Variants in CNST observed in about 807,000 individuals in gnomAD.
CNST encodes consortin.
A neutral mutation model predicts 72.4 loss-of-function variants in CNST; 39 were observed. That is an observed-to-expected ratio of 0.54 (90% CI 0.42 to 0.70). CNST has a LOEUF of 0.70. Ranked by LOEUF, CNST falls within the 30% of genes least tolerant of loss-of-function variation. The pLI is 0.00. For missense variants in CNST, 871 were observed against 868.5 expected (o/e 1.00, Z -0.04); for synonymous variants, 332 against 320.1 (o/e 1.04, Z -0.40).
In CNST at chr1:246,621,593, G is replaced by A; in HGVS notation, c.544G>A (p.Glu182Lys). The A allele has an allele frequency of 6.2e-7, 1 of 1,614,146 alleles. No homozygotes were observed. The highest frequency in any genetic ancestry group is 8.5e-7 in the Non-Finnish European group (1 of 1,180,002). ...GTTTTCACTTATACGAGGTGAAGTTGAGCAGTTGGATTCAAGAGCACTTCC... is the reference window on the plus strand; with the variant it reads ...GTTTTCACTTATACGAGGTGAAGTTAAGCAGTTGGATTCAAGAGCACTTCC... ...SLFSLIRGEV[E>K]QLDSRALPLC... is the part of the protein sequence containing the mutation. The change falls in exon 3 of 11, where the codon GAG (glutamate) becomes AAG (lysine). Residue 182 changes from glutamate to lysine, a missense_variant. Glu to Lys is a moderately conservative substitution (Grantham distance 56, BLOSUM62 1). Coordinates refer to ENST00000366513, the MANE Select transcript of CNST (RefSeq NM_152609.3).
chr1:246,635,758 G>A lies in CNST; in HGVS notation c.818+1171G>A, dbSNP rs189340119. Among the ~76,000 whole-genome samples, 448 of 152,192 alleles carry A rather than the reference G, an allele frequency of 2.9e-3. 2 individuals carry two copies. Among genetic ancestry groups the A allele is most frequent in the African/African-American group, 0.01 (425 of 41,462 alleles). On this transcript the variant is annotated intron_variant, in intron 6 of 10. Transcript: ENST00000366513. ...CTATTTAGCATATATGTGGGAGTGC[G>A]ATAACCCCGTGAACCATCCTCAGCC...
chr1:246,625,310 T>G (rs1019589980), intron 3 of CNST, among the ~76,000 whole-genome samples: 2 of 152,076 alleles, frequency 1.3e-5, no homozygotes, highest in African/African-American at 4.8e-5. Context: ...TCTATCTGTA[T>G]CAGTCTTTCT....
intron 9 of CNST, among the ~76,000 whole-genome samples, chr1:246,654,983 G>A (rs1666693672): frequency 6.6e-6 from 1 of 152,060 alleles, no homozygotes; most frequent in Non-Finnish European, 1.5e-5. Context: ...ATATAGTTTT[G>A]GATACTGGAA....
intron 2 of CNST, among the ~76,000 whole-genome samples, chr1:246,597,212 TTTGA>T (rs1442066168): frequency 6.6e-6 from 1 of 152,236 alleles, no homozygotes; most frequent in Non-Finnish European, 1.5e-5. Flanking sequence ...TATCTGACTA[TTTGA>T]TTATCTCCAT....
Position 246,647,592 on chromosome 1 carries a change from T to G in CNST, c.1391T>G (p.Leu464Arg), listed in dbSNP as rs771521556. 2 of 1,614,192 alleles carry G rather than the reference T, an allele frequency of 1.2e-6. No homozygotes were observed. The highest frequency in any genetic ancestry group is 1.3e-5 in the African/African-American group (1 of 75,060). ...CAGAGGAAAGAACTCCGTTTGCCACTTCGGGATGCTTCTGAGGCGTTGCCC... is the reference window on the plus strand; with the variant it reads ...CAGAGGAAAGAACTCCGTTTGCCACGTCGGGATGCTTCTGAGGCGTTGCCC... ...QAQRKELRLP[L>R]RDASEALPTD... Residue 464 changes from leucine to arginine, a missense_variant, in exon 9 of 11, where the codon CTT becomes CGT. Coordinates refer to ENST00000366513, the MANE Select transcript of CNST (RefSeq NM_152609.3).
At chr1:246,632,297 T>C in intron 4 of CNST, 2 of 301,350 alleles carry the variant, frequency 6.6e-6, no homozygotes, top group Non-Finnish European at 1.3e-5. Flanking sequence ...CTTTTTGAGC[T>C]TGGCAACGTG....
chr1:246,638,104 A>G (rs982649570), intron 6 of CNST, among the ~76,000 whole-genome samples: 17 of 152,172 alleles, frequency 1.1e-4, no homozygotes, highest in African/African-American at 4.1e-4. Context: ...AGAAGTTGCA[A>G]GAGAGGTTTG....
intron 3 of CNST, among the ~76,000 whole-genome samples, chr1:246,626,447 TGTCC>T (rs2103086943): frequency 7.0e-6 from 1 of 143,230 alleles, no homozygotes; most frequent in East Asian, 2.0e-4. Flanking sequence ...CCTGTAGGTT[TGTCC>T]TTTTTTTTTT....
At chr1:246,650,905 T>C (rs1309224012) in intron 9 of CNST, among the ~76,000 whole-genome samples, 1 of 152,104 alleles carries the variant, frequency 6.6e-6, no homozygotes, top group Non-Finnish European at 1.5e-5. Flanking sequence ...CTTCAACTCC[T>C]GGCCTCAAGT....
chr1:246,600,665 G>A (rs1015864087), intron 2 of CNST, among the ~76,000 whole-genome samples: 28 of 152,284 alleles, frequency 1.8e-4, no homozygotes, highest in African/African-American at 6.5e-4. Context: ...TTGATTTATT[G>A]AGCATAGGAA....
intron 6 of CNST, among the ~76,000 whole-genome samples, chr1:246,639,834 G>A (rs1436985828): frequency 3.9e-5 from 6 of 152,164 alleles, no homozygotes; most frequent in Admixed American, 6.5e-5. Flanking sequence ...CTAAAATGGC[G>A]TCAGCCCCAC....
At chr1:246,642,132 GGTTT>G (rs1035990016) in intron 8 of CNST, 95 bp downstream of exon 8, 812 of 197,952 alleles carry the variant, frequency 4.1e-3, no homozygotes, top group East Asian at 0.016. Context: ...CAAAGGATCT[GGTTT>G]TTTTTTTTTT....
At chr1:246,615,047 A>G (rs2103067031) in intron 2 of CNST, among the ~76,000 whole-genome samples, 1 of 152,346 alleles carries the variant, frequency 6.6e-6, no homozygotes, top group South Asian at 2.1e-4. Flanking sequence ...ATTATCAGAG[A>G]TAGATTCTAA....
chr1:246,574,208 AT>A (rs1429033801), intron 1 of CNST, among the ~76,000 whole-genome samples: 1 of 151,788 alleles, frequency 6.6e-6, no homozygotes, highest in East Asian at 1.9e-4. Flanking sequence ...CGCCCGGCTA[AT>A]TTTTTGTATT....
intron 6 of CNST, among the ~76,000 whole-genome samples, chr1:246,639,337 G>A (rs186295966): frequency 1.3e-5 from 2 of 152,166 alleles, no homozygotes; most frequent in South Asian, 2.1e-4. Context: ...TTAGTATAAC[G>A]GTTTGGCAAG....
At chr1:246,610,673 T>C (rs749853154) in intron 2 of CNST, among the ~76,000 whole-genome samples, 2 of 152,196 alleles carry the variant, frequency 1.3e-5, no homozygotes, top group Non-Finnish European at 2.9e-5. Flanking sequence ...TCTTTCAGAT[T>C]GGCTCTGTGC....
At position 246,652,922 on chromosome 1, in the gene CNST, T is replaced by G. The variant is rs532959199; in HGVS notation, c.1836+4885T>G. ...GGGAGGCTGAGGCAGGAGAATGGCGTGAACCTGGGAGGCGGAGCTTGCAGT... is the reference window on the plus strand; with the variant it reads ...GGGAGGCTGAGGCAGGAGAATGGCGGGAACCTGGGAGGCGGAGCTTGCAGT... On this transcript the variant is annotated intron_variant, in intron 9 of 10. Coordinates refer to ENST00000366513, the MANE Select transcript of CNST (RefSeq NM_152609.3). Among the ~76,000 whole-genome samples the G allele has an allele frequency of 3.0e-4, 44 of 149,002 alleles. No individual in the cohort carries two copies. The East Asian group carries it at 5.0e-3, about 17-fold the overall frequency.
At chr1:246,622,822 TG>T (rs980544162) in intron 3 of CNST, among the ~76,000 whole-genome samples, 15 of 151,954 alleles carry the variant, frequency 9.9e-5, no homozygotes, top group African/African-American at 2.9e-4. Flanking sequence ...TGTATTGTAT[TG>T]TATTTATTTA....
At chr1:246,627,930 A>ATATATATATATATATATATATAT (rs1664543964) in intron 3 of CNST, among the ~76,000 whole-genome samples, 1 of 151,544 alleles carries the variant, frequency 6.6e-6, no homozygotes, top group Non-Finnish European at 1.5e-5. Flanking sequence ...TTATATATAT[A>ATATATATATATATATATATATAT]AAGGGGAGTT....
Sources: allele counts gnomAD v4.1 joint callset (sites outside exome capture counted in the v4.1 genomes callset), GRCh38; gene constraint gnomAD v4.1.1; transcripts MANE v1.5; gene names NCBI Gene and HGNC (gene_info 2026-07-23, HGNC 2026-07-21).